Variants in SYN3 observed in about 807,000 individuals in gnomAD.
The protein encoded by SYN3 is synapsin III, also known as synapsin-3.
A neutral mutation model predicts 65.8 loss-of-function variants in SYN3; 35 were observed. The observed-to-expected ratio is 0.53, with a 90% CI of 0.41 to 0.70. The LOEUF is 0.70. Among genes scored for constraint, SYN3 ranks in the 30% least tolerant of loss-of-function variants. The pLI is 0.00. For synonymous variants in SYN3, 270 were observed against 292.9 expected (o/e 0.92, Z 0.80); for missense variants, 680 against 749.0 (o/e 0.91, Z 1.08).
chr22:32,783,685 T>A (rs754358756), intron 6 of SYN3, among the ~76,000 whole-genome samples: 1 of 152,198 alleles, frequency 6.6e-6, no homozygotes, highest in Admixed American at 6.5e-5. Context: ...GCTAGGAGTT[T>A]GAAATTCACC....
At chr22:32,623,311 G>C (rs112668024) in intron 6 of SYN3, among the ~76,000 whole-genome samples, 1 of 151,844 alleles carries the variant, frequency 6.6e-6, no homozygotes, top group Admixed American at 6.6e-5. Flanking sequence ...CTTGGTCTCC[G>C]TAGTAGGCCA....
rs186649312 is a variant in SYN3, at chr22:32,800,866, G to C, written c.711+64049C>G. ...TTGTCTTTGTCCACTTCTCAGCGAG[G>C]ATGGCACTTCAGGGAGCCCTTCCCT... On this transcript the variant is annotated intron_variant, in intron 6 of 13. Transcript: ENST00000358763. Among the ~76,000 whole-genome samples, 51 of 152,306 alleles carry C rather than the reference G, an allele frequency of 3.3e-4. No homozygotes were observed. Among genetic ancestry groups the C allele is most frequent in the Admixed American group, 2.0e-3 (30 of 15,308 alleles).
chr22:32,928,084 A>G (rs2050524070), intron 4 of SYN3, among the ~76,000 whole-genome samples: 1 of 152,222 alleles, frequency 6.6e-6, no homozygotes, highest in Non-Finnish European at 1.5e-5. Flanking sequence ...TAACCTCAGT[A>G]CTTTGGGAGG....
intron 3 of SYN3, among the ~76,000 whole-genome samples, chr22:32,940,370 A>G (rs2050901568): frequency 8.1e-6 from 1 of 123,300 alleles, no homozygotes; most frequent in Non-Finnish European, 1.7e-5. Flanking sequence ...ATATGTATAT[A>G]TGAAGTACAA....
intron 12 of SYN3, among the ~76,000 whole-genome samples, chr22:32,522,810 C>T (rs1327939630): frequency 1.3e-5 from 2 of 152,122 alleles, no homozygotes; most frequent in African/African-American, 2.4e-5. Flanking sequence ...TCCTCCTTTA[C>T]ACTGAGGAAA....
intron 4 of SYN3, among the ~76,000 whole-genome samples, chr22:32,875,340 G>C (rs2048955317): frequency 6.6e-6 from 1 of 152,166 alleles, no homozygotes; most frequent in Admixed American, 6.5e-5. Context: ...GTTGCTGGAG[G>C]AAGGAAGCTT....
chr22:32,711,424 G>A (rs1001767057), intron 6 of SYN3, among the ~76,000 whole-genome samples: 1 of 152,204 alleles, frequency 6.6e-6, no homozygotes, highest in Non-Finnish European at 1.5e-5. Context: ...GACCAATAAA[G>A]TTTAAACACC....
At chr22:32,608,483 C>A (rs1431481323) in intron 6 of SYN3, among the ~76,000 whole-genome samples, 1 of 152,230 alleles carries the variant, frequency 6.6e-6, no homozygotes, top group Non-Finnish European at 1.5e-5. Flanking sequence ...GATGTTCACA[C>A]ATTTAATGTC....
rs1367351000 is a variant in SYN3, at chr22:32,643,556, G to C, written c.712-46820C>G. On this transcript the variant is annotated intron_variant, in intron 6 of 13. Coordinates refer to ENST00000358763, the MANE Select transcript of SYN3 (RefSeq NM_003490.4). The stretch of plus-strand genomic sequence containing the variant: ...AGGGCAAATTAGAAATGGTGGGGGG[G>C]CGGGGGGGGCAGAACAGACCCATAA... 2.8e-3 allele frequency among the ~76,000 whole-genome samples: 109 copies of C among 38,658 alleles called. 2 individuals are homozygous for C. Among genetic ancestry groups the C allele is most frequent in the Non-Finnish European group, 3.2e-3 (69 of 21,276 alleles). The allele number at this position is 38,658 out of a possible 152,430, so 25.4% of individuals were successfully genotyped here.
intron 3 of SYN3, among the ~76,000 whole-genome samples, chr22:32,956,236 A>G (rs1010344537): frequency 6.7e-6 from 1 of 149,362 alleles, no homozygotes; most frequent in Admixed American, 6.7e-5. Context: ...GCTCACTGCA[A>G]CCTCCACCTC....
intron 6 of SYN3, among the ~76,000 whole-genome samples, chr22:32,682,326 C>G (rs1465922614): frequency 5.9e-5 from 9 of 152,112 alleles, no homozygotes; most frequent in Non-Finnish European, 1.2e-4. Context: ...GGTTGAGAGC[C>G]AAGATCTTTT....
chr22:32,950,175 A>G (rs901480248), intron 3 of SYN3, among the ~76,000 whole-genome samples: 2 of 152,196 alleles, frequency 1.3e-5, no homozygotes, highest in African/African-American at 2.4e-5. Context: ...AAAAAGAGAC[A>G]GAGAGGAGAC....
intron 6 of SYN3, among the ~76,000 whole-genome samples, chr22:32,684,902 C>T (rs956505694): frequency 2.0e-5 from 3 of 152,152 alleles, no homozygotes; most frequent in Non-Finnish European, 4.4e-5. Flanking sequence ...CATTTCCTGC[C>T]CTATCTAATT....
intron 6 of SYN3, among the ~76,000 whole-genome samples, chr22:32,744,804 G>C (rs1434583093): frequency 6.6e-6 from 1 of 152,190 alleles, no homozygotes; most frequent in African/African-American, 2.4e-5. Context: ...TGGTGTGGGC[G>C]ATTGCCCACG....
intron 6 of SYN3, among the ~76,000 whole-genome samples, chr22:32,612,346 T>C (rs1488405556): frequency 6.6e-6 from 1 of 152,186 alleles, no homozygotes; most frequent in Non-Finnish European, 1.5e-5. Context: ...GGGGACAGTC[T>C]TGTGGGACTG....
At chr22:32,546,220 C>T (rs561348140) in intron 7 of SYN3, among the ~76,000 whole-genome samples, 10 of 152,308 alleles carry the variant, frequency 6.6e-5, no homozygotes, top group African/African-American at 1.9e-4. Flanking sequence ...TGAGGACAGA[C>T]GAGTGTTGTC....
intron 6 of SYN3, among the ~76,000 whole-genome samples, chr22:32,747,602 C>A (rs955735372): frequency 6.6e-5 from 10 of 152,150 alleles, no homozygotes; most frequent in Non-Finnish European, 1.5e-4. Context: ...GAATAAGGAA[C>A]CAACTAAAAA....
chr22:32,790,923 G>A (rs2046311971), intron 6 of SYN3, among the ~76,000 whole-genome samples: 1 of 152,146 alleles, frequency 6.6e-6, no homozygotes, highest in Admixed American at 6.5e-5. Flanking sequence ...GACCTAAGAT[G>A]TGACTACCGG....
intron 4 of SYN3, among the ~76,000 whole-genome samples, chr22:32,913,587 T>C (rs1349971967): frequency 6.6e-6 from 1 of 152,142 alleles, no homozygotes; most frequent in African/African-American, 2.4e-5. Context: ...TGCTGGGCTC[T>C]TAGGGGCAAG....
Sources: allele counts gnomAD v4.1 joint callset (sites outside exome capture counted in the v4.1 genomes callset), GRCh38; gene constraint gnomAD v4.1.1; transcripts MANE v1.5; gene names NCBI Gene and HGNC (gene_info 2026-07-23, HGNC 2026-07-21).